DENND6B: variants seen among roughly 807,000 people sequenced by gnomAD.
DENND6B encodes the protein protein DENND6B.
In DENND6B, 73 loss-of-function variants were observed where a neutral mutation model predicts 85.1. That is an observed-to-expected ratio of 0.86 (90% CI 0.71 to 1.04). DENND6B has a LOEUF of 1.04. Ranked by LOEUF, DENND6B falls within the 50% of genes least tolerant of loss-of-function variation. DENND6B has a pLI of 0.00. For synonymous variants in DENND6B, 357 were observed against 329.3 expected, an observed-to-expected ratio of 1.08 and a Z score of -0.91; for missense variants, 715 against 785.8, an observed-to-expected ratio of 0.91 and a Z score of 1.08.
At chr22:50,315,582 AC>A in intron 9 of DENND6B, 131 bp downstream of exon 9, 3 of 1,097,114 alleles carry the variant, frequency 2.7e-6, no homozygotes, top group Non-Finnish European at 3.9e-6. Context: ...ACACACACAC[AC>A]GTGCACACGT....
chr22:50,326,731 G>A, intron 1 of DENND6B, 81 bp downstream of exon 1: 1 of 1,218,910 alleles, frequency 8.2e-7, no homozygotes, highest in Non-Finnish European at 1.0e-6. Context: ...CGGGGCGGCC[G>A]AGGGCCCCAA....
At chr22:50,319,441 T>C (rs2041970586) in intron 1 of DENND6B, 29 of 985,376 alleles carry the variant, frequency 2.9e-5, no homozygotes, top group Non-Finnish European at 3.5e-5. Flanking sequence ...CAACCACCTC[T>C]TGCCCAGACT....
intron 13 of DENND6B, 26 bp from the exon 14 acceptor site, chr22:50,313,904 C>T: frequency 1.3e-6 from 2 of 1,592,686 alleles, no homozygotes; most frequent in Non-Finnish European, 1.7e-6. Flanking sequence ...AGCTGGCGCC[C>T]CACCCTTCAA....
At position 50,317,898 on chromosome 22, in the gene DENND6B, C is replaced by A; in HGVS notation, c.372+10G>T. On this transcript the variant is annotated intron_variant, in intron 4 of 19. Transcript: ENST00000413817. ...GGAGAAGCAGGCCAGAGACGCAGCC[C>A]AGTGCTCACCTGCAGTGCCACAGGG... 1 of 1,603,724 alleles carries A rather than the reference C, an allele frequency of 6.2e-7. No homozygotes were observed.
chr22:50,313,554 C>CAGG, intron 15 of DENND6B, 55 bp from the exon 16 acceptor site: 1 of 576,374 alleles, frequency 1.7e-6, no homozygotes. Context: ...CCAGCCCCAT[C>CAGG]CCCCGCAGCC....
At chr22:50,315,891 C>T (rs562628303) in intron 8 of DENND6B, 122 bp from the exon 9 acceptor site, 1 of 1,525,496 alleles carries the variant, frequency 6.6e-7, no homozygotes, top group African/African-American at 1.4e-5. Flanking sequence ...CAACACACAG[C>T]CTGTGGCTTT....
At chr22:50,324,296 C>CT (rs1480920926) in intron 1 of DENND6B, among the ~76,000 whole-genome samples, 2 of 152,226 alleles carry the variant, frequency 1.3e-5, no homozygotes, top group Admixed American at 1.3e-4. Flanking sequence ...ACTATGGACT[C>CT]TGAACCACTT....
At chr22:50,325,791 G>A (rs904237483) in intron 1 of DENND6B, among the ~76,000 whole-genome samples, 1 of 152,190 alleles carries the variant, frequency 6.6e-6, no homozygotes, top group Non-Finnish European at 1.5e-5. Flanking sequence ...GCTGGGGACC[G>A]TGTGTGGTGG....
intron 13 of DENND6B, 132 bp from the exon 14 acceptor site, chr22:50,314,010 TCACC>T: frequency 2.3e-6 from 3 of 1,329,588 alleles, no homozygotes; most frequent in Non-Finnish European, 3.0e-6. Flanking sequence ...CCTGAAAATC[TCACC>T]CACCCACCCC....
rs1174848902 is a variant in DENND6B, at chr22:50,310,598, T to C, written c.*1541A>G. The C allele has an allele frequency of 6.6e-6, 1 of 152,160 alleles. No individual in the cohort carries two copies. Among genetic ancestry groups the C allele is most frequent in the Admixed American group, 6.5e-5 (1 of 15,274 alleles). The allele number at this position is 152,160 out of a possible 1,614,324, so 9.4% of individuals were successfully genotyped here. ...CACCAATGAGAACACAAACAGTACG[T>C]TGCGCTGAATGAAGGCTACATTCCT... On this transcript the variant is annotated 3_prime_UTR_variant, in exon 20 of 20. Coordinates refer to ENST00000413817, the MANE Select transcript of DENND6B (RefSeq NM_001001794.4).
In DENND6B at chr22:50,313,105, G is replaced by T; in HGVS notation, c.1351C>A (p.Pro451Thr). 1 of 1,553,626 alleles carries T rather than the reference G, an allele frequency of 6.4e-7. No homozygotes were observed. Among genetic ancestry groups the T allele is most frequent in the Non-Finnish European group, 8.7e-7 (1 of 1,148,930 alleles). The stretch of plus-strand genomic sequence containing the variant: ...TGGCTGAAGGGCTGGATCTGGGGGG[G>T]AGTCTGAGAGGGGATGGGTGAGCCA... ...LQKSITPWKT[P>T]PQIQPFSQDD... The change falls in exon 17 of 20, where the codon CCC (proline) becomes ACC (threonine). Residue 451 changes from proline (P) to threonine (T), a missense_variant. Pro to Thr is a conservative substitution (Grantham distance 38). Transcript: ENST00000413817.
chr22:50,316,538 C>T, intron 5 of DENND6B, 63 bp from the exon 6 acceptor site: 1 of 1,548,606 alleles, frequency 6.5e-7, no homozygotes, highest in South Asian at 1.2e-5. Context: ...ACTCAGGAGC[C>T]CACGGGGACC....
chr22:50,325,066 T>A (rs1228637865), intron 1 of DENND6B, among the ~76,000 whole-genome samples: 1 of 151,848 alleles, frequency 6.6e-6, no homozygotes, highest in Non-Finnish European at 1.5e-5. Flanking sequence ...AAGGCAAGAG[T>A]CATGTGCTCA....
In DENND6B at chr22:50,313,803, A is replaced by G. The variant is rs1239461349; in HGVS notation, c.1203+11T>C. 1 of 1,611,624 alleles carries G rather than the reference A, an allele frequency of 6.2e-7. No individual in the cohort carries two copies. Among genetic ancestry groups the G allele is most frequent in the East Asian group, 2.2e-5 (1 of 44,828 alleles). On this transcript the variant is annotated intron_variant, in intron 14 of 19. Coordinates refer to ENST00000413817, the MANE Select transcript of DENND6B (RefSeq NM_001001794.4). Reference sequence around the variant, plus strand: ...CCTGCGTCCCCAGCCCCTGCCCCACAAACCATATACCTTGAGCAGCCGTTT... The same window carrying G: ...CCTGCGTCCCCAGCCCCTGCCCCACGAACCATATACCTTGAGCAGCCGTTT...
At chr22:50,317,142 G>A (rs2041876878) in intron 5 of DENND6B, 151 bp downstream of exon 5, 10 of 728,590 alleles carry the variant, frequency 1.4e-5, no homozygotes, top group African/African-American at 3.7e-5. Flanking sequence ...GTGGGGGGGC[G>A]GCAAGGAGAG....
chr22:50,325,574 A>C (rs2042167932), intron 1 of DENND6B, among the ~76,000 whole-genome samples: 1 of 152,096 alleles, frequency 6.6e-6, no homozygotes, highest in African/African-American at 2.4e-5. Flanking sequence ...TGACCTTGTG[A>C]TCTGCCTGCC....
chr22:50,313,647 G>A lies in DENND6B; in HGVS notation c.1281C>T (p.Phe427=). 1 of 1,588,546 alleles carries A rather than the reference G, an allele frequency of 6.3e-7. No individual in the cohort carries two copies. Among genetic ancestry groups the A allele is most frequent in the Non-Finnish European group, 8.5e-7 (1 of 1,170,596 alleles). ...CCCCGGGCCTCACCAGGGGGATGAT[G>A]AAGCTCTGGGTGAGCTCCAGGAGGT... ...RRHLLELTQS[F]IIPLEHYMAS... The change falls in exon 15 of 20, where the codon TTC becomes TTT. Residue 427 remains phenylalanine, a synonymous_variant. Coordinates refer to ENST00000413817, the MANE Select transcript of DENND6B (RefSeq NM_001001794.4).
chr22:50,316,785 T>C (rs2041836129), intron 5 of DENND6B: 3 of 1,282,512 alleles, frequency 2.3e-6, no homozygotes, highest in Non-Finnish European at 3.0e-6. Flanking sequence ...TTTTACTCTC[T>C]GCCTATGGCT....
chr22:50,317,098 TGGCGAGGACAGGGTGGGGGGC>T (rs2041873180), intron 5 of DENND6B, 174 bp downstream of exon 5: 41 of 123,538 alleles, frequency 3.3e-4, no homozygotes, highest in African/African-American at 9.7e-4. Context: ...GGTGGGGGGG[TGGCGAGGACAGGGTGGGGGGC>T]GGCGAGGACA....
Sources: gnomAD v4.1 joint callset for allele counts (sites outside exome capture counted in the v4.1 genomes callset) on GRCh38, gnomAD v4.1.1 for gene constraint, MANE v1.5 for transcripts, NCBI Gene and HGNC (gene_info 2026-07-23, HGNC 2026-07-21) for gene names.